STAG1: variants seen among roughly 807,000 people sequenced by gnomAD.
STAG1 encodes the protein cohesin subunit SA-1.
STAG1 carries 26 observed loss-of-function variants against 170.9 expected under a neutral mutation model. The observed-to-expected ratio is 0.15, with a 90% CI of 0.11 to 0.21. The LOEUF (loss-of-function observed/expected upper bound fraction) is 0.21. Ranked by LOEUF, STAG1 falls within the 10% of genes least tolerant of loss-of-function variation. STAG1 has a pLI of 1.00. For missense variants in STAG1, 964 were observed against 1,509.5 expected, an observed-to-expected ratio of 0.64 and a Z score of 5.99; for synonymous variants, 514 against 497.7, an observed-to-expected ratio of 1.03 and a Z score of -0.44.
chr3:136,345,659 G>A (rs1009239083), intron 29 of STAG1, among the ~76,000 whole-genome samples: 28 of 151,932 alleles, frequency 1.8e-4, no homozygotes, highest in Non-Finnish European at 1.8e-4. Flanking sequence ...TACTGCTTTG[G>A]TTTTCCTTCT....
chr3:136,518,589 C>A (rs1283543224), intron 7 of STAG1, among the ~76,000 whole-genome samples: 1 of 152,100 alleles, frequency 6.6e-6, no homozygotes, highest in East Asian at 1.9e-4. Flanking sequence ...GGGTAGGTGA[C>A]TGCTATGTCT....
chr3:136,546,873 C>T (rs1045208508), intron 5 of STAG1, among the ~76,000 whole-genome samples: 1 of 152,192 alleles, frequency 6.6e-6, no homozygotes, highest in Non-Finnish European at 1.5e-5. Context: ...TATCAGACTG[C>T]ATAAATGATC....
intron 1 of STAG1, among the ~76,000 whole-genome samples, chr3:136,685,375 C>A (rs1213554755): frequency 6.6e-6 from 1 of 151,202 alleles, no homozygotes; most frequent in African/African-American, 2.5e-5. Flanking sequence ...AGAAAATGAA[C>A]CCAATAATGA....
intron 1 of STAG1, among the ~76,000 whole-genome samples, chr3:136,640,073 A>C (rs1328414487): frequency 6.6e-6 from 1 of 152,174 alleles, no homozygotes; most frequent in African/African-American, 2.4e-5. Flanking sequence ...GTACCTATTG[A>C]GTTTGATGAT....
chr3:136,706,204 T>C (rs1402447995), intron 1 of STAG1, among the ~76,000 whole-genome samples: 1 of 151,954 alleles, frequency 6.6e-6, no homozygotes, highest in African/African-American at 2.4e-5. Context: ...CCCTCTAACA[T>C]CAGAAATAAG....
intron 1 of STAG1, among the ~76,000 whole-genome samples, chr3:136,723,104 C>T (rs972370425): frequency 7.9e-5 from 12 of 152,220 alleles, no homozygotes; most frequent in African/African-American, 2.2e-4. Context: ...AGCCTCTGCC[C>T]GGCCGCAACG....
At chr3:136,750,950 GA>G (rs1935195039) in intron 1 of STAG1, among the ~76,000 whole-genome samples, 1 of 152,146 alleles carries the variant, frequency 6.6e-6, no homozygotes, top group South Asian at 2.1e-4. Flanking sequence ...TTCACCATCG[GA>G]ATGTGCAATT....
intron 3 of STAG1, among the ~76,000 whole-genome samples, chr3:136,622,031 C>CCT (rs1939879521): frequency 6.8e-6 from 1 of 147,614 alleles, no homozygotes; most frequent in Admixed American, 6.8e-5. Context: ...GGTGCGGTGC[C>CCT]TCAGGCCTGT....
intron 1 of STAG1, among the ~76,000 whole-genome samples, chr3:136,714,596 C>T (rs1430936698): frequency 1.3e-5 from 2 of 151,830 alleles, no homozygotes; most frequent in African/African-American, 2.4e-5. Context: ...GGCGTGGTGG[C>T]GGGCGCCTGT....
intron 1 of STAG1, among the ~76,000 whole-genome samples, chr3:136,644,839 G>A (rs1425642334): frequency 6.6e-6 from 1 of 152,014 alleles, no homozygotes; most frequent in African/African-American, 2.4e-5. Flanking sequence ...TCCTACCTCA[G>A]CCTCCCCAGT....
chr3:136,437,772 T>C (rs1179857861), intron 15 of STAG1, among the ~76,000 whole-genome samples: 4 of 152,184 alleles, frequency 2.6e-5, no homozygotes, highest in Non-Finnish European at 5.9e-5. Flanking sequence ...TATAGTTAGG[T>C]AGAACTCTCA....
intron 1 of STAG1, among the ~76,000 whole-genome samples, chr3:136,677,639 G>A (rs1377742602): frequency 6.6e-6 from 1 of 152,000 alleles, no homozygotes; most frequent in African/African-American, 2.4e-5. Context: ...GTTGATGTAA[G>A]TTGCCTTGCC....
At chr3:136,720,719 G>A (rs183973721) in intron 1 of STAG1, among the ~76,000 whole-genome samples, 1 of 152,170 alleles carries the variant, frequency 6.6e-6, no homozygotes, top group East Asian at 1.9e-4. Flanking sequence ...AACTCAGGAG[G>A]CGGAGGTTGC....
chr3:136,484,967 C>G (rs1257795211), intron 9 of STAG1, among the ~76,000 whole-genome samples: 2 of 152,180 alleles, frequency 1.3e-5, no homozygotes, highest in African/African-American at 4.8e-5. Flanking sequence ...CTGGCCTGTG[C>G]CCACTGTCTG....
intron 28 of STAG1, among the ~76,000 whole-genome samples, chr3:136,357,232 G>A (rs1936694835): frequency 6.6e-6 from 1 of 152,002 alleles, no homozygotes; most frequent in African/African-American, 2.4e-5. Context: ...ACAGGTGTGA[G>A]CCACCATGCC....
At position 136,728,973 on chromosome 3, in the gene STAG1, T is replaced by C. The variant is rs190937908; in HGVS notation, c.-84+23222A>G. Among the ~76,000 whole-genome samples, 513 of 152,194 alleles carry C rather than the reference T, an allele frequency of 3.4e-3. 1 individual carries two copies. Among genetic ancestry groups the C allele is most frequent in the African/African-American group, 8.9e-3 (370 of 41,544 alleles). ...GGGATGGGAAAGAGAGACAGTCTCT[T>C]CTGTAAAGATTCTTTTGTTTTTTTT... On this transcript the variant is annotated intron_variant, in intron 1 of 33. Coordinates refer to ENST00000383202, the MANE Select transcript of STAG1 (RefSeq NM_005862.3).
intron 5 of STAG1, among the ~76,000 whole-genome samples, chr3:136,555,319 C>T (rs1222609361): frequency 6.6e-6 from 1 of 151,126 alleles, no homozygotes; most frequent in Non-Finnish European, 1.5e-5. Context: ...CAAGACCAGC[C>T]TGGGAAACAT....
chr3:136,502,606 C>G, intron 8 of STAG1, 22 bp downstream of exon 8: 2 of 1,608,380 alleles, frequency 1.2e-6, no homozygotes, highest in Non-Finnish European at 1.7e-6. Flanking sequence ...AACATAAAAT[C>G]ATCAGTTCCC....
At chr3:136,528,840 G>A (rs1374753353) in intron 6 of STAG1, among the ~76,000 whole-genome samples, 1 of 151,836 alleles carries the variant, frequency 6.6e-6, no homozygotes, top group Admixed American at 6.6e-5. Context: ...TGAAGTGGGA[G>A]AATCACTTGA....
Sources: gnomAD v4.1 joint callset for allele counts (sites outside exome capture counted in the v4.1 genomes callset) on GRCh38, gnomAD v4.1.1 for gene constraint, MANE v1.5 for transcripts, NCBI Gene and HGNC (gene_info 2026-07-23, HGNC 2026-07-21) for gene names.